Variants in SMAD9 observed in about 807,000 individuals in gnomAD.
SMAD9 encodes the protein MAD homolog 9.
Under a neutral mutation model 46.1 loss-of-function variants are expected in SMAD9, and 36 were observed. The ratio of observed to expected loss-of-function variants is 0.78; its 90% CI spans 0.60 to 1.03. The LOEUF is 1.03. Among genes scored for constraint, SMAD9 ranks in the 50% least tolerant of loss-of-function variants. SMAD9 has a pLI of 0.00. For missense variants in SMAD9, 572 were observed against 599.8 expected (o/e 0.95, Z 0.48); for synonymous variants, 245 against 237.1 (o/e 1.03, Z -0.31).
intron 1 of SMAD9, among the ~76,000 whole-genome samples, chr13:36,888,536 T>C (rs2058466017): frequency 6.6e-6 from 1 of 152,174 alleles, no homozygotes; most frequent in Non-Finnish European, 1.5e-5. Context: ...TTTTCACCTT[T>C]ATGATACAGA....
At chr13:36,886,653 A>C (rs1249436020) in intron 1 of SMAD9, among the ~76,000 whole-genome samples, 1 of 152,268 alleles carries the variant, frequency 6.6e-6, no homozygotes, top group African/African-American at 2.4e-5. Flanking sequence ...GGGCTTAGAA[A>C]CTGTCTGGAT....
At chr13:36,858,154 T>C (rs1022782857) in intron 5 of SMAD9, among the ~76,000 whole-genome samples, 2 of 152,134 alleles carry the variant, frequency 1.3e-5, no homozygotes, top group Non-Finnish European at 1.5e-5. Flanking sequence ...TATATTCCCC[T>C]CTCTGTTTTC....
At position 36,885,027 on chromosome 13, in the gene SMAD9, CTT is replaced by C. The variant is rs1326516326; in HGVS notation, c.-186-5154_-186-5153del. On this transcript the variant is annotated intron_variant, in intron 1 of 6. Transcript: ENST00000379826. ...TGTTTTTGTCTTTTAATTTTTCAAA[CTT>C]ATCAATTTTGACCCGCTAATCCATG... Among the ~76,000 whole-genome samples the C allele has an allele frequency of 3.9e-5, 6 of 152,312 alleles. 1 individual carries two copies. The highest frequency in any genetic ancestry group is 8.8e-5 in the Non-Finnish European group (6 of 68,034).
At chr13:36,899,537 GAC>G (rs897455491) in intron 1 of SMAD9, among the ~76,000 whole-genome samples, 32 of 152,300 alleles carry the variant, frequency 2.1e-4, no homozygotes, top group African/African-American at 7.2e-4. Flanking sequence ...TCATGAAAAT[GAC>G]AAATTCAGGA....
intron 5 of SMAD9, among the ~76,000 whole-genome samples, chr13:36,859,179 T>G (rs1354941450): frequency 6.6e-6 from 1 of 152,244 alleles, no homozygotes; most frequent in East Asian, 1.9e-4. Flanking sequence ...AAATATTTTT[T>G]AGGATTTGCT....
intron 1 of SMAD9, among the ~76,000 whole-genome samples, chr13:36,889,595 A>G (rs541602142): frequency 2.0e-5 from 3 of 152,276 alleles, no homozygotes; most frequent in Non-Finnish European, 4.4e-5. Flanking sequence ...CTTTGATTGA[A>G]ATTTTATGTA....
rs2058381415 is a variant in SMAD9 at position 36,879,481 on chromosome 13, G to A, written c.209C>T (p.Thr70Met). 8.7e-6 allele frequency: 14 copies of A among 1,613,782 alleles called. No individual in the cohort carries two copies. The highest frequency in any genetic ancestry group is 2.2e-5 in the South Asian group (2 of 91,092). Residue 70 changes from threonine (T) to methionine (M), a missense_variant, in exon 2 of 7, where the codon ACG becomes ATG. By Grantham distance (81) the Thr-to-Met change is moderately conservative. Coordinates refer to ENST00000379826, the MANE Select transcript of SMAD9 (RefSeq NM_001127217.3). ...CCGCCCGTCCAGGGAGCGGGGAATC[G>A]TGACGCATTTGCTGGGCTGCCCCGG... ...SCPGQPSKCV[T>M]IPRSLDGRLQ...
intron 1 of SMAD9, among the ~76,000 whole-genome samples, chr13:36,903,892 TACAGGGC>T (rs1239634875): frequency 6.6e-6 from 1 of 152,150 alleles, no homozygotes; most frequent in African/African-American, 2.4e-5. Flanking sequence ...AAAGCAGAAT[TACAGGGC>T]ACACGTGATA....
rs2058049685 is a variant in SMAD9 at position 36,848,434 on chromosome 13, T to G, written c.*242A>C. 2 of 543,832 alleles carry G rather than the reference T, an allele frequency of 3.7e-6. No individual in the cohort carries two copies. Among genetic ancestry groups the G allele is most frequent in the Non-Finnish European group, 6.6e-6 (2 of 303,558 alleles). 33.7% of individuals were successfully genotyped at this position (543,832 alleles called of 1,614,324 possible). ...GTTGACAATATCGCCTCTCAAGTGT[T>G]TCCTCCCACAAAATCTGCTGCTTAT... On this transcript the variant is annotated 3_prime_UTR_variant, in exon 7 of 7. Transcript: ENST00000379826.
At chr13:36,858,772 TCTATTAGTTATTAG>T (rs1264118451) in intron 5 of SMAD9, among the ~76,000 whole-genome samples, 1 of 152,264 alleles carries the variant, frequency 6.6e-6, no homozygotes, top group Non-Finnish European at 1.5e-5. Context: ...AAAGCTAACA[TCTATTAGTTATTAG>T]CTATTAACAT....
chr13:36,885,040 A>G (rs2058433639), intron 1 of SMAD9, among the ~76,000 whole-genome samples: 1 of 152,146 alleles, frequency 6.6e-6, no homozygotes, highest in Non-Finnish European at 1.5e-5. Flanking sequence ...ATCAATTTTG[A>G]CCCGCTAATC....
chr13:36,913,677 G>A (rs542369761), intron 1 of SMAD9, among the ~76,000 whole-genome samples: 2 of 152,114 alleles, frequency 1.3e-5, no homozygotes, highest in Admixed American at 1.3e-4. Context: ...TAAACATATA[G>A]TCAATAAGCT....
chr13:36,913,117 T>C (rs953586743), intron 1 of SMAD9, among the ~76,000 whole-genome samples: 3 of 152,238 alleles, frequency 2.0e-5, no homozygotes, highest in Non-Finnish European at 4.4e-5. Context: ...TTTTCTCCAA[T>C]ATTTTTCATT....
chr13:36,901,215 A>G lies in SMAD9; in HGVS notation c.-187+18901T>C, dbSNP rs183913125. ...TAGGAGTGGAATTGCTGGGTCATAC[A>G]GTAATTTTACTTTTAACTTTTTGAG... On this transcript the variant is annotated intron_variant, in intron 1 of 6. Coordinates refer to ENST00000379826, the MANE Select transcript of SMAD9 (RefSeq NM_001127217.3). Among the ~76,000 whole-genome samples, 33 of 152,202 alleles carry G rather than the reference A, an allele frequency of 2.2e-4. No homozygotes were observed. In the East Asian group the frequency reaches 6.2e-3, roughly 28 times the overall value.
Position 36,848,696 on chromosome 13 carries a change from G to A in SMAD9, c.1384C>T (p.Pro462Ser), listed in dbSNP as rs780570168. ...VLTQMGSPHN[P>S]ISSVS Reference sequence around the variant, plus strand: ...GACTGTTAAGACACTGAAGAAATGGGGTTATGTGGAGAGCCCATCTGAGTC... The same window carrying A: ...GACTGTTAAGACACTGAAGAAATGGAGTTATGTGGAGAGCCCATCTGAGTC... Residue 462 changes from proline to serine, a missense_variant, in exon 7 of 7, where the codon CCC becomes TCC. Physicochemically the swap from Pro to Ser is moderately conservative, Grantham distance 74 (BLOSUM62 -1). Transcript: ENST00000379826. 6.2e-7 allele frequency: 1 copy of A among 1,614,154 alleles called. No homozygotes were observed. The highest frequency in any genetic ancestry group is 1.1e-5 in the South Asian group (1 of 91,078).
rs2058049554 is a variant in SMAD9 at position 36,848,412 on chromosome 13, G to A, written c.*264C>T. The A allele has an allele frequency of 2.0e-6, 1 of 494,396 alleles. No homozygotes were observed. The highest frequency in any genetic ancestry group is 3.7e-6 in the Non-Finnish European group (1 of 272,934). 30.6% of individuals were successfully genotyped at this position (494,396 alleles called of 1,614,324 possible). On this transcript the variant is annotated 3_prime_UTR_variant, in exon 7 of 7. Coordinates refer to ENST00000379826, the MANE Select transcript of SMAD9 (RefSeq NM_001127217.3). Reference sequence around the variant, plus strand: ...CTGCTAACACCCTTCAAATACTGTTGACAATATCGCCTCTCAAGTGTTTCC... The same window carrying A: ...CTGCTAACACCCTTCAAATACTGTTAACAATATCGCCTCTCAAGTGTTTCC...
intron 1 of SMAD9, among the ~76,000 whole-genome samples, chr13:36,894,433 C>T (rs935065049): frequency 1.3e-5 from 2 of 152,254 alleles, no homozygotes; most frequent in South Asian, 2.1e-4. Context: ...TGCAGAACTA[C>T]GAGTCCATTA....
At chr13:36,892,459 C>T (rs1276851791) in intron 1 of SMAD9, among the ~76,000 whole-genome samples, 1 of 152,186 alleles carries the variant, frequency 6.6e-6, no homozygotes, top group African/African-American at 2.4e-5. Flanking sequence ...ACTAACTACA[C>T]TAAGTTCTTC....
intron 1 of SMAD9, among the ~76,000 whole-genome samples, chr13:36,917,560 A>T (rs1335251741): frequency 6.6e-6 from 1 of 150,834 alleles, no homozygotes; most frequent in Admixed American, 6.6e-5. Flanking sequence ...CGTTTCTTTA[A>T]CTCCTCTCTA....
Sources: gnomAD v4.1 joint callset for allele counts (sites outside exome capture counted in the v4.1 genomes callset) on GRCh38, gnomAD v4.1.1 for gene constraint, MANE v1.5 for transcripts, NCBI Gene and HGNC (gene_info 2026-07-23, HGNC 2026-07-21) for gene names.